The following NWD2 variants were observed in gnomAD, a reference collection of about 807,000 sequenced individuals.
NWD2 encodes the protein NACHT and WD repeat domain-containing protein 2.
NWD2 carries 37 observed loss-of-function variants against 132.7 expected under a neutral mutation model. That is an observed-to-expected ratio of 0.28 (90% CI 0.21 to 0.37). The LOEUF (loss-of-function observed/expected upper bound fraction) is 0.37, where lower values mean the gene tolerates loss of function less well. NWD2 is among the 10% of genes least tolerant of loss of function. The pLI, the probability that NWD2 is intolerant of heterozygous loss-of-function variation, is 1.00. For missense variants in NWD2, 1,592 were observed against 2,122.4 expected, an observed-to-expected ratio of 0.75 and a Z score of 4.91; for synonymous variants, 705 against 803.0, an observed-to-expected ratio of 0.88 and a Z score of 2.06.
chr4:37,404,781 G>A (rs750019078), intron 3 of NWD2, among the ~76,000 whole-genome samples: 2 of 152,206 alleles, frequency 1.3e-5, no homozygotes, highest in Non-Finnish European at 1.5e-5. Context: ...TGTGGCAGAA[G>A]GCAAAGGAGG....
intron 1 of NWD2, among the ~76,000 whole-genome samples, chr4:37,293,288 A>G (rs1242608035): frequency 1.3e-5 from 2 of 152,112 alleles, no homozygotes; most frequent in African/African-American, 2.4e-5. Flanking sequence ...TATTTGTGTC[A>G]TTGTCTATTT....
chr4:37,418,527 T>C (rs986362790), intron 3 of NWD2, among the ~76,000 whole-genome samples: 9 of 152,198 alleles, frequency 5.9e-5, no homozygotes, highest in African/African-American at 2.2e-4. Flanking sequence ...ACCAACACTG[T>C]GTTAGCCAGG....
chr4:37,411,826 CAACATATGTGAATCAATA>C (rs1286878595), intron 3 of NWD2, among the ~76,000 whole-genome samples: 4 of 152,096 alleles, frequency 2.6e-5, no homozygotes, highest in African/African-American at 9.7e-5. Context: ...AAGGCTGGTT[CAACATATGTGAATCAATA>C]AACATAATCT....
At chr4:37,393,802 C>T (rs1720726184) in intron 3 of NWD2, among the ~76,000 whole-genome samples, 1 of 152,214 alleles carries the variant, frequency 6.6e-6, no homozygotes, top group South Asian at 2.1e-4. Flanking sequence ...TCAGAACTTT[C>T]TGCTTCTTAA....
chr4:37,434,778 T>A (rs545881437), intron 5 of NWD2, among the ~76,000 whole-genome samples: 1 of 109,824 alleles, frequency 9.1e-6, no homozygotes, highest in Non-Finnish European at 2.0e-5. Context: ...AGCTTTACTT[T>A]TTTTTTTTCT....
intron 2 of NWD2, among the ~76,000 whole-genome samples, chr4:37,340,646 T>C (rs1719501878): frequency 6.6e-6 from 1 of 152,190 alleles, no homozygotes; most frequent in Admixed American, 6.5e-5. Context: ...GGAGTTGATG[T>C]CTAAGCTGAA....
At chr4:37,347,464 C>A (rs1719658876) in intron 2 of NWD2, among the ~76,000 whole-genome samples, 1 of 151,872 alleles carries the variant, frequency 6.6e-6, no homozygotes, top group Non-Finnish European at 1.5e-5. Context: ...TTAATTTATA[C>A]CAATTAAATT....
chr4:37,414,227 G>C (rs570653452), intron 3 of NWD2, among the ~76,000 whole-genome samples: 1 of 152,272 alleles, frequency 6.6e-6, no homozygotes, highest in African/African-American at 2.4e-5. Context: ...AGGAATTTTT[G>C]TGATCAAATG....
rs1030868083 is a variant in NWD2 at position 37,448,814 on chromosome 4, A to G, written c.*1597A>G. On this transcript the variant is annotated 3_prime_UTR_variant, in exon 7 of 7. Coordinates refer to ENST00000309447, the MANE Select transcript of NWD2 (RefSeq NM_001144990.2). ...CCTCATAGGGACATTGGGAAGCAGT[A>G]TAAGAAAAACTTCAGCAACATCATG... 4 of 152,238 alleles carry G rather than the reference A, an allele frequency of 2.6e-5. No homozygotes were observed. The highest frequency in any genetic ancestry group is 2.0e-4 in the Admixed American group (3 of 15,288). 9.4% of individuals were successfully genotyped at this position (152,238 alleles called of 1,614,324 possible).
chr4:37,419,962 C>G (rs1711755309), intron 3 of NWD2, among the ~76,000 whole-genome samples: 1 of 152,106 alleles, frequency 6.6e-6, no homozygotes, highest in Admixed American at 6.6e-5. Context: ...AAATGTTATA[C>G]TCATTTTTAT....
At chr4:37,410,229 AC>A (rs2109318768) in intron 3 of NWD2, among the ~76,000 whole-genome samples, 1 of 152,256 alleles carries the variant, frequency 6.6e-6, no homozygotes, top group African/African-American at 2.4e-5. Flanking sequence ...AAGAGTCAAG[AC>A]CCATCAGTGT....
At chr4:37,408,178 A>T (rs900892272) in intron 3 of NWD2, among the ~76,000 whole-genome samples, 17 of 152,136 alleles carry the variant, frequency 1.1e-4, no homozygotes, top group African/African-American at 4.1e-4. Flanking sequence ...AGCAAGACAA[A>T]ACCGATAACC....
intron 6 of NWD2, among the ~76,000 whole-genome samples, chr4:37,441,309 A>T (rs1411853126): frequency 1.3e-5 from 2 of 152,222 alleles, no homozygotes; most frequent in Admixed American, 6.5e-5. Context: ...AAACTTTAGA[A>T]TTATTCCAAG....
At chr4:37,284,215 C>G (rs1200831832) in intron 1 of NWD2, among the ~76,000 whole-genome samples, 1 of 152,116 alleles carries the variant, frequency 6.6e-6, no homozygotes, top group Non-Finnish European at 1.5e-5. Flanking sequence ...TCGTAGGTGG[C>G]ACATGGTAGT....
chr4:37,314,982 G>A (rs925300331), intron 1 of NWD2, among the ~76,000 whole-genome samples: 1 of 151,960 alleles, frequency 6.6e-6, no homozygotes, highest in Non-Finnish European at 1.5e-5. Context: ...AACACATTTT[G>A]TTTTCCTTTG....
chr4:37,276,804 A>C (rs1201069149), intron 1 of NWD2, among the ~76,000 whole-genome samples: 1 of 152,160 alleles, frequency 6.6e-6, no homozygotes, highest in Non-Finnish European at 1.5e-5. Flanking sequence ...CTATGCAGCC[A>C]TAGAAAATGA....
chr4:37,315,151 A>G (rs1371715735), intron 1 of NWD2, among the ~76,000 whole-genome samples: 1 of 152,120 alleles, frequency 6.6e-6, no homozygotes, highest in Non-Finnish European at 1.5e-5. Flanking sequence ...GAGATCATAT[A>G]TGTTATCATT....
chr4:37,326,087 G>T, intron 2 of NWD2, 63 bp downstream of exon 2: 2 of 1,085,076 alleles, frequency 1.8e-6, no homozygotes, highest in Non-Finnish European at 2.7e-6. Context: ...TTTGTTTCTT[G>T]TCACAACTTG....
intron 3 of NWD2, among the ~76,000 whole-genome samples, chr4:37,426,080 T>C (rs952035359): frequency 6.6e-6 from 1 of 152,250 alleles, no homozygotes; most frequent in Non-Finnish European, 1.5e-5. Context: ...CTGGTCCTGG[T>C]AAAATATTTG....
Sources: gnomAD v4.1 joint callset for allele counts (sites outside exome capture counted in the v4.1 genomes callset) on GRCh38, gnomAD v4.1.1 for gene constraint, MANE v1.5 for transcripts, NCBI Gene and HGNC (gene_info 2026-07-23, HGNC 2026-07-21) for gene names.